Variants in DLGAP2 observed in about 807,000 individuals in gnomAD.
DLGAP2 encodes the protein DLG associated protein 2, also known as disks large-associated protein 2.
DLGAP2 carries 26 observed loss-of-function variants against 100.3 expected under a neutral mutation model. That is an observed-to-expected ratio of 0.26 (90% CI 0.19 to 0.36). The LOEUF is 0.36. DLGAP2 is among the 10% of genes least tolerant of loss of function. The pLI, the probability that DLGAP2 is intolerant of heterozygous loss-of-function variation, is 1.00. For missense variants in DLGAP2, 1,858 were observed against 1,453.2 expected, an observed-to-expected ratio of 1.28 and a Z score of -4.53; for synonymous variants, 886 against 630.1, an observed-to-expected ratio of 1.41 and a Z score of -6.08.
chr8:1,546,733 C>T (rs890825123), intron 4 of DLGAP2, among the ~76,000 whole-genome samples: 3 of 152,130 alleles, frequency 2.0e-5, no homozygotes, highest in Non-Finnish European at 2.9e-5. Context: ...AAGCGCAGGG[C>T]ATGATGGACT....
In DLGAP2 at chr8:1,358,087, C is replaced by G. The variant is rs958232288; in HGVS notation, c.106+99204C>G. ...GCACAGGCAGCGTCAGAACGCAGCCCCCTCCCAGGAGGAAGTTGGGTAGAA... is the reference window on the plus strand; with the variant it reads ...GCACAGGCAGCGTCAGAACGCAGCCGCCTCCCAGGAGGAAGTTGGGTAGAA... On this transcript the variant is annotated intron_variant, in intron 3 of 14. Coordinates refer to ENST00000637795, the MANE Select transcript of DLGAP2 (RefSeq NM_001346810.2). 2.0e-5 allele frequency among the ~76,000 whole-genome samples: 3 copies of G among 152,086 alleles called. 1 individual carries two copies. The highest frequency in any genetic ancestry group is 4.4e-5 in the Non-Finnish European group (3 of 68,014).
chr8:1,515,734 TCA>T lies in DLGAP2; in HGVS notation c.172+14309_172+14310del, dbSNP rs1314626244. The stretch of plus-strand genomic sequence containing the variant: ...CAAACACATGCACAGATAGGCACAC[TCA>T]CACACTTGTATGCACACACATGCAC... On this transcript the variant is annotated intron_variant, in intron 4 of 14. Coordinates refer to ENST00000637795, the MANE Select transcript of DLGAP2 (RefSeq NM_001346810.2). 2.1e-5 allele frequency among the ~76,000 whole-genome samples: 3 copies of T among 143,772 alleles called. No homozygotes were observed. The Admixed American group carries it at 2.2e-4, about 10-fold the overall frequency. 94.3% of individuals were successfully genotyped at this position (143,772 alleles called of 152,430 possible). A position where few individuals can be genotyped will look rare whatever the true frequency, so the allele number is the denominator to read the frequency against.
intron 2 of DLGAP2, among the ~76,000 whole-genome samples, chr8:1,096,080 G>A (rs78150527): frequency 0.02 from 3,104 of 152,288 alleles, 51 homozygotes; most frequent in Non-Finnish European, 0.031. Flanking sequence ...CAGAGATGAC[G>A]TTGCCCTAAA....
chr8:1,323,030 C>T (rs1019392522), intron 3 of DLGAP2, among the ~76,000 whole-genome samples: 1 of 150,358 alleles, frequency 6.7e-6, no homozygotes, highest in African/African-American at 2.5e-5. Flanking sequence ...GTTAAACTCA[C>T]AATTTTTTTT....
chr8:1,680,415 A>C (rs1025250353), intron 12 of DLGAP2: 1 of 152,258 alleles, frequency 6.6e-6, no homozygotes, highest in Non-Finnish European at 1.5e-5. Flanking sequence ...GAGAAAATCA[A>C]TGGCGTGCTG....
chr8:1,262,130 G>A (rs944044754), intron 3 of DLGAP2, among the ~76,000 whole-genome samples: 3 of 152,216 alleles, frequency 2.0e-5, no homozygotes, highest in African/African-American at 7.2e-5. Flanking sequence ...AATTAGCCCA[G>A]TCTCAGATGA....
At chr8:1,558,720 A>C (rs1802057452) in intron 5 of DLGAP2, among the ~76,000 whole-genome samples, 1 of 151,486 alleles carries the variant, frequency 6.6e-6, no homozygotes, top group Non-Finnish European at 1.5e-5. Flanking sequence ...CACACATTAC[A>C]CATACCCACA....
chr8:865,573 T>G (rs563024327), intron 1 of DLGAP2, among the ~76,000 whole-genome samples: 2 of 152,346 alleles, frequency 1.3e-5, no homozygotes, highest in Admixed American at 1.3e-4. Context: ...TTCTCATCCT[T>G]TTCCTTCCAA....
At chr8:778,065 G>A (rs1036736526) in intron 1 of DLGAP2, among the ~76,000 whole-genome samples, 9 of 119,560 alleles carry the variant, frequency 7.5e-5, no homozygotes, top group Admixed American at 2.5e-4. Flanking sequence ...ATTCTTCTCT[G>A]AACTTCCCTT....
intron 3 of DLGAP2, among the ~76,000 whole-genome samples, chr8:1,433,130 G>C (rs1461186645): frequency 6.6e-6 from 1 of 152,210 alleles, no homozygotes; most frequent in Non-Finnish European, 1.5e-5. Context: ...GGAGTCAGCA[G>C]GGGAGGAAGC....
At chr8:1,412,775 T>G (rs888424545) in intron 3 of DLGAP2, among the ~76,000 whole-genome samples, 1 of 152,188 alleles carries the variant, frequency 6.6e-6, no homozygotes, top group Non-Finnish European at 1.5e-5. Flanking sequence ...TGATGGCCAT[T>G]CTGACTCTAA....
intron 3 of DLGAP2, among the ~76,000 whole-genome samples, chr8:1,272,711 G>A (rs1424049142): frequency 1.3e-5 from 2 of 152,138 alleles, no homozygotes; most frequent in African/African-American, 4.8e-5. Context: ...GGCCTGAGGA[G>A]TGTGGTGTCA....
At chr8:850,811 T>G (rs897671455) in intron 1 of DLGAP2, among the ~76,000 whole-genome samples, 13 of 152,146 alleles carry the variant, frequency 8.5e-5, no homozygotes, top group Non-Finnish European at 1.5e-5. Flanking sequence ...TCAATTTTCC[T>G]AAAATAATAG....
intron 3 of DLGAP2, among the ~76,000 whole-genome samples, chr8:1,425,060 T>A (rs868149642): frequency 1.0e-3 from 154 of 152,170 alleles, no homozygotes; most frequent in Non-Finnish European, 1.6e-3. Context: ...ATTTAAAAAA[T>A]TTTTTGCACT....
chr8:1,139,006 T>C (rs1233563547), intron 2 of DLGAP2, among the ~76,000 whole-genome samples: 2 of 152,276 alleles, frequency 1.3e-5, no homozygotes, highest in Non-Finnish European at 2.9e-5. Context: ...ACGTTCACCC[T>C]GCCTCAGCCC....
At chr8:1,655,118 A>G (rs1798254657) in intron 8 of DLGAP2, among the ~76,000 whole-genome samples, 1 of 152,216 alleles carries the variant, frequency 6.6e-6, no homozygotes, top group African/African-American at 2.4e-5. Context: ...CTGCTAGCCT[A>G]TCAACGTTGC....
At chr8:1,372,426 G>C (rs976243239) in intron 3 of DLGAP2, among the ~76,000 whole-genome samples, 1 of 152,188 alleles carries the variant, frequency 6.6e-6, no homozygotes, top group Non-Finnish European at 1.5e-5. Context: ...TCCCTCTCCT[G>C]GTGTGGGGAA....
At chr8:1,064,361 G>C (rs1396609730) in intron 2 of DLGAP2, among the ~76,000 whole-genome samples, 1 of 152,214 alleles carries the variant, frequency 6.6e-6, no homozygotes, top group Non-Finnish European at 1.5e-5. Flanking sequence ...CCTCAAATAT[G>C]TCAGGCAACC....
rs1184375730 is a variant in DLGAP2, at chr8:1,707,098, A to G, written c.*5692A>G. ...CAAACTACTTTTTAACAGATTTTGT[A>G]TATACACACACAAGTTGACAGAGGT... On this transcript the variant is annotated 3_prime_UTR_variant, in exon 15 of 15. Coordinates refer to ENST00000637795, the MANE Select transcript of DLGAP2 (RefSeq NM_001346810.2). The G allele has an allele frequency of 6.6e-6, 1 of 152,660 alleles. No individual in the cohort carries two copies. Among genetic ancestry groups the G allele is most frequent in the African/African-American group, 2.4e-5 (1 of 41,466 alleles). 9.5% of individuals were successfully genotyped at this position (152,660 alleles called of 1,614,324 possible). A position where few individuals can be genotyped will look rare whatever the true frequency, so the allele number is the denominator to read the frequency against.
Sources: gnomAD v4.1 joint callset for allele counts (sites outside exome capture counted in the v4.1 genomes callset) on GRCh38, gnomAD v4.1.1 for gene constraint, MANE v1.5 for transcripts, NCBI Gene and HGNC (gene_info 2026-07-23, HGNC 2026-07-21) for gene names.